Variants in ADGRL4 observed in about 807,000 individuals in gnomAD.
ADGRL4 encodes EGF, latrophilin and seven transmembrane domain containing 1.
ADGRL4 carries 90 observed loss-of-function variants against 74.8 expected under a neutral mutation model. The ratio of observed to expected loss-of-function variants is 1.20; its 90% CI spans 1.02 to 1.43. The LOEUF (loss-of-function observed/expected upper bound fraction) is 1.43, where lower values mean the gene tolerates loss of function less well. Ranked by LOEUF, ADGRL4 falls within the 40% of genes most tolerant of loss-of-function variation. The pLI, the probability that ADGRL4 is intolerant of heterozygous loss-of-function variation, is 0.00. For synonymous variants in ADGRL4, 311 were observed against 279.2 expected (o/e 1.11, Z -1.14); for missense variants, 881 against 814.3 (o/e 1.08, Z -1.00).
chr1:78,910,874 C>T (rs1438774346), intron 12 of ADGRL4, among the ~76,000 whole-genome samples: 2 of 151,696 alleles, frequency 1.3e-5, no homozygotes, highest in Non-Finnish European at 2.9e-5. Context: ...GTTCATATTT[C>T]AGAATTCTAA....
intron 4 of ADGRL4, among the ~76,000 whole-genome samples, chr1:78,938,534 T>A (rs199692334): frequency 6.6e-6 from 1 of 151,828 alleles, no homozygotes; most frequent in Admixed American, 6.6e-5. Flanking sequence ...ATAATTTTTT[T>A]AAATGAGCTT....
chr1:78,980,778 A>G (rs1489383), intron 2 of ADGRL4, among the ~76,000 whole-genome samples: 13,640 of 151,998 alleles, frequency 0.09, 829 homozygotes, highest in East Asian at 0.35. Context: ...ATGAGAAACT[A>G]CACTATTTAT....
chr1:78,951,581 C>T (rs929067360), intron 2 of ADGRL4, among the ~76,000 whole-genome samples: 10 of 151,956 alleles, frequency 6.6e-5, no homozygotes, highest in African/African-American at 1.9e-4. Flanking sequence ...GATTTATACC[C>T]GATAGTATGA....
rs2275902 is a variant in ADGRL4 at position 78,891,675 on chromosome 1, G to C, written c.1859C>G (p.Ala620Gly). Residue 620 changes from alanine (A) to glycine (G), a missense_variant, in exon 14 of 15, where the codon GCC (alanine) becomes GGC (glycine). Ala to Gly is a moderately conservative substitution (Grantham distance 60, BLOSUM62 0). Coordinates refer to ENST00000370742, the MANE Select transcript of ADGRL4 (RefSeq NM_022159.4). Reference sequence around the variant, plus strand: ...GCCGAGAAGGAACAGAAGAGCGAGGGCTCCTCTTGCACAAGACCTATCACA... The same window carrying C: ...GCCGAGAAGGAACAGAAGAGCGAGGCCTCCTCTTGCACAAGACCTATCACA... ...FENIRSCARG[A>G]LALLFLLGTT... 0.29 allele frequency: 461,432 copies of C among 1,610,896 alleles called. 67,059 individuals carry two copies. The highest frequency in any genetic ancestry group is 0.31 in the Middle Eastern group (1,899 of 6,042).
intron 2 of ADGRL4, among the ~76,000 whole-genome samples, chr1:79,000,194 A>G (rs1650813312): frequency 6.6e-6 from 1 of 152,168 alleles, no homozygotes; most frequent in Non-Finnish European, 1.5e-5. Context: ...TGAGGCTTCT[A>G]CTTGAACAAA....
At chr1:78,969,400 A>G (rs1424704861) in intron 2 of ADGRL4, among the ~76,000 whole-genome samples, 1 of 152,190 alleles carries the variant, frequency 6.6e-6, no homozygotes, top group Non-Finnish European at 1.5e-5. Context: ...CAGTCCCTGT[A>G]CAGGGTTCCT....
chr1:78,899,477 C>T (rs548478399), intron 12 of ADGRL4, among the ~76,000 whole-genome samples: 10 of 152,224 alleles, frequency 6.6e-5, no homozygotes, highest in African/African-American at 1.7e-4. Context: ...CCTCAGCCTC[C>T]TGAGTAGCTG....
intron 2 of ADGRL4, among the ~76,000 whole-genome samples, chr1:78,981,247 A>C (rs77254413): frequency 0.016 from 2,368 of 152,072 alleles, 64 homozygotes; most frequent in African/African-American, 0.055. Flanking sequence ...ATCAATAGAT[A>C]ACAAAATGAT....
chr1:78,908,260 A>G (rs1442189864), intron 12 of ADGRL4, among the ~76,000 whole-genome samples: 2 of 151,976 alleles, frequency 1.3e-5, no homozygotes, highest in Non-Finnish European at 2.9e-5. Flanking sequence ...TCAGAAGTCC[A>G]AAGGTGATTA....
intron 2 of ADGRL4, among the ~76,000 whole-genome samples, chr1:78,985,908 A>G (rs1156350843): frequency 6.6e-6 from 1 of 151,860 alleles, no homozygotes. Context: ...TGCTAAGTGA[A>G]CTAACACAGG....
rs150785027 is a variant in ADGRL4, at chr1:78,920,735, C to A, written c.1258-349G>T. 7.1e-3 allele frequency among the ~76,000 whole-genome samples: 1,083 copies of A among 151,904 alleles called. 5 individuals carry two copies. The highest frequency in any genetic ancestry group is 0.013 in the Non-Finnish European group (867 of 67,880). The stretch of plus-strand genomic sequence containing the variant: ...ATAATGTGAACATGGTTAATTAAAA[C>A]AGATTTATCAGTGGTAAGACTAAGT... On this transcript the variant is annotated intron_variant, in intron 9 of 14. Coordinates refer to ENST00000370742, the MANE Select transcript of ADGRL4 (RefSeq NM_022159.4).
At chr1:78,962,971 A>G (rs1487436096) in intron 2 of ADGRL4, among the ~76,000 whole-genome samples, 1 of 152,146 alleles carries the variant, frequency 6.6e-6, no homozygotes, top group Non-Finnish European at 1.5e-5. Context: ...TGTGTATGAA[A>G]TCTTTTCATA....
intron 3 of ADGRL4, among the ~76,000 whole-genome samples, chr1:78,945,144 G>T (rs1044879788): frequency 4.5e-5 from 6 of 132,672 alleles, no homozygotes; most frequent in Non-Finnish European, 9.4e-5. Flanking sequence ...CAGCCTGGGC[G>T]ACAGAGCGAG....
At chr1:78,939,945 A>G (rs928014162) in intron 3 of ADGRL4, 1 of 152,476 alleles carries the variant, frequency 6.6e-6, no homozygotes, top group African/African-American at 2.4e-5. Context: ...GGCAGAACAA[A>G]CTTAGATGCA....
intron 8 of ADGRL4, 83 bp from the exon 9 acceptor site, chr1:78,921,869 A>G: frequency 1.3e-6 from 1 of 741,062 alleles, no homozygotes; most frequent in Non-Finnish European, 2.0e-6. Flanking sequence ...AATACCACTA[A>G]TGTGATTGAA....
At chr1:78,976,378 G>C (rs1282286238) in intron 2 of ADGRL4, among the ~76,000 whole-genome samples, 1 of 151,668 alleles carries the variant, frequency 6.6e-6, no homozygotes, top group Non-Finnish European at 1.5e-5. Flanking sequence ...ATAGAATTGG[G>C]CTTCAGTATT....
chr1:78,931,347 G>A (rs1649238473), intron 7 of ADGRL4, among the ~76,000 whole-genome samples: 1 of 151,318 alleles, frequency 6.6e-6, no homozygotes, highest in Non-Finnish European at 1.5e-5. Context: ...CACAAGCGAA[G>A]GAGAAATAAA....
At chr1:79,003,136 G>A in intron 2 of ADGRL4, among the ~76,000 whole-genome samples, 1 of 151,994 alleles carries the variant, frequency 6.6e-6, no homozygotes, top group East Asian at 1.9e-4. Context: ...AGATAGGAAA[G>A]GTGAGGAATC....
intron 2 of ADGRL4, among the ~76,000 whole-genome samples, chr1:79,003,135 A>C (rs566259554): frequency 3.3e-5 from 5 of 152,082 alleles, no homozygotes; most frequent in African/African-American, 1.2e-4. Context: ...AAGATAGGAA[A>C]GGTGAGGAAT....
Sources: gnomAD v4.1 joint callset for allele counts (sites outside exome capture counted in the v4.1 genomes callset) on GRCh38, gnomAD v4.1.1 for gene constraint, MANE v1.5 for transcripts, NCBI Gene and HGNC (gene_info 2026-07-23, HGNC 2026-07-21) for gene names.